The following CFAP46 variants were observed in gnomAD, a reference collection of about 807,000 sequenced individuals.
CFAP46 encodes the protein cilia- and flagella-associated protein 46.
CFAP46 carries 245 observed loss-of-function variants against 325.7 expected under a neutral mutation model. The ratio of observed to expected loss-of-function variants is 0.75; its 90% confidence interval spans 0.68 to 0.84. The LOEUF (loss-of-function observed/expected upper bound fraction) is 0.84. Among genes scored for constraint, CFAP46 ranks in the 40% least tolerant of loss-of-function variants. The pLI is 0.00. For missense variants in CFAP46, 3,346 were observed against 3,543.0 expected, an observed-to-expected ratio of 0.94 and a Z score of 1.41; for synonymous variants, 1,523 against 1,495.9, an observed-to-expected ratio of 1.02 and a Z score of -0.42.
At chr10:132,897,489 A>C (rs1849334872) in intron 24 of CFAP46, among the ~76,000 whole-genome samples, 2 of 152,206 alleles carry the variant, frequency 1.3e-5, no homozygotes, top group Admixed American at 1.3e-4. Flanking sequence ...TAGGAACCGC[A>C]TATCTAGGTC....
chr10:132,816,394 C>G (rs1198215657), intron 50 of CFAP46, among the ~76,000 whole-genome samples: 1 of 147,384 alleles, frequency 6.8e-6, no homozygotes, highest in Non-Finnish European at 1.5e-5. Flanking sequence ...TGCAGTGGCG[C>G]GATCTCGGCT....
chr10:132,864,486 TG>T (rs35681332), intron 35 of CFAP46, among the ~76,000 whole-genome samples: 21,066 of 93,036 alleles, frequency 0.23, 5,027 homozygotes, highest in Admixed American at 0.38. Flanking sequence ...TGCACACATC[TG>T]TCCCCATGCC....
chr10:132,919,141 C>T lies in CFAP46; in HGVS notation c.1858+174G>A, dbSNP rs576141950. On this transcript the variant is annotated intron_variant, in intron 15 of 57. Coordinates refer to ENST00000368586, the MANE Select transcript of CFAP46 (RefSeq NM_001200049.3). This position sits in a 1 kb window ranked among gnomAD's most constrained non-coding sequence, Gnocchi z 9.7. ...GGCCGACACAGCCAGATGTGGCCGC[C>T]GCCCCATGATTGGCGGTCCTGATAA... 3.3e-5 allele frequency among the ~76,000 whole-genome samples: 5 copies of T among 152,318 alleles called. No individual in the cohort carries two copies. In the South Asian group the frequency reaches 8.3e-4, roughly 25 times the overall value.
chr10:132,915,597 G>T (rs2135568659), intron 17 of CFAP46, among the ~76,000 whole-genome samples: 1 of 152,012 alleles, frequency 6.6e-6, no homozygotes, highest in East Asian at 2.0e-4. Flanking sequence ...TGAGGGCGGG[G>T]CGCCGTGCCC....
chr10:132,822,200 CTG>C (rs61728261), intron 50 of CFAP46, among the ~76,000 whole-genome samples: 5 of 118,522 alleles, frequency 4.2e-5, no homozygotes, highest in South Asian at 6.3e-4. Context: ...GCACTGTGTG[CTG>C]TGTGTGTGCT....
chr10:132,872,949 C>T, intron 31 of CFAP46, 125 bp from the exon 32 acceptor site: 1 of 1,082,862 alleles, frequency 9.2e-7, no homozygotes, highest in Non-Finnish European at 1.3e-6. Context: ...AGCAGGTGCT[C>T]AGCGCGTGTC....
intron 35 of CFAP46, among the ~76,000 whole-genome samples, chr10:132,864,484 T>C (rs1420887995): frequency 6.6e-3 from 208 of 31,500 alleles, no homozygotes; most frequent in Middle Eastern, 0.026. Flanking sequence ...CCTGCACACA[T>C]CTGTCCCCAT....
intron 50 of CFAP46, among the ~76,000 whole-genome samples, chr10:132,823,485 C>CTGTG (rs201868325): frequency 9.2e-6 from 1 of 108,786 alleles, no homozygotes; most frequent in Non-Finnish European, 1.8e-5. Context: ...CTGATGTGTG[C>CTGTG]TGTGTGCTGA....
chr10:132,927,393 C>T (rs902412415), intron 9 of CFAP46, among the ~76,000 whole-genome samples: 1 of 151,480 alleles, frequency 6.6e-6, no homozygotes, highest in East Asian at 1.9e-4. Context: ...AGGTCCTCGG[C>T]GGCAGACGCC....
chr10:132,930,063 C>T (rs1245685316), intron 8 of CFAP46, among the ~76,000 whole-genome samples: 1 of 152,134 alleles, frequency 6.6e-6, no homozygotes, highest in Non-Finnish European at 1.5e-5. Context: ...TACTGGACAC[C>T]CTGCTCCTCG....
chr10:132,859,642 G>A (rs1848696550), intron 37 of CFAP46, among the ~76,000 whole-genome samples: 1 of 152,214 alleles, frequency 6.6e-6, no homozygotes, highest in Non-Finnish European at 1.5e-5. Context: ...GAGGCAGAGA[G>A]CACAGGCATG....
At chr10:132,912,234 CTGTCCTCTT>C (rs879575375) in intron 19 of CFAP46, among the ~76,000 whole-genome samples, 4,911 of 89,670 alleles carry the variant, frequency 0.055, 312 homozygotes, top group South Asian at 0.092. Flanking sequence ...CTCCTCTCTC[CTGTCCTCTT>C]TCCTCTCTCT....
chr10:132,873,529 G>A (rs112710264), intron 31 of CFAP46, among the ~76,000 whole-genome samples: 2,565 of 150,612 alleles, frequency 0.017, 44 homozygotes, highest in Non-Finnish European at 0.029. Context: ...TGAGGCAGCT[G>A]AGGGCCCCAT....
intron 3 of CFAP46, among the ~76,000 whole-genome samples, chr10:132,941,361 CAG>C (rs1056767072): frequency 2.0e-5 from 3 of 152,364 alleles, no homozygotes; most frequent in African/African-American, 7.2e-5. Context: ...GCAGATGCCA[CAG>C]AGACCACGCT....
chr10:132,824,273 CTG>C (rs200717851), intron 50 of CFAP46, among the ~76,000 whole-genome samples: 1 of 123,708 alleles, frequency 8.1e-6, no homozygotes, highest in East Asian at 2.6e-4. Flanking sequence ...CTGATGTGTG[CTG>C]TGTGTGCTGA....
At chr10:132,887,508 CCTCT>C (rs201316716) in intron 25 of CFAP46, among the ~76,000 whole-genome samples, 2 of 114,330 alleles carry the variant, frequency 1.7e-5, no homozygotes, top group African/African-American at 6.6e-5. Flanking sequence ...TATTTCCTCT[CCTCT>C]CTCTCTCCTC....
chr10:132,818,453 G>C (rs924099930), intron 50 of CFAP46, among the ~76,000 whole-genome samples: 1 of 152,134 alleles, frequency 6.6e-6, no homozygotes, highest in Non-Finnish European at 1.5e-5. Flanking sequence ...ACAGCTAACA[G>C]TGAAAAGCAC....
Position 132,850,677 on chromosome 10 carries a change from T to C in CFAP46, c.5764-245A>G, listed in dbSNP as rs116001344. 2.4e-3 allele frequency among the ~76,000 whole-genome samples: 361 copies of C among 152,346 alleles called. 2 individuals carry two copies. Among genetic ancestry groups the C allele is most frequent in the African/African-American group, 8.3e-3 (345 of 41,584 alleles). ...TTTAGGCCCGTCTTTGGTCCATTTA[T>C]ACTTATGTAAATTAATTTGAGTCAT... On this transcript the variant is annotated intron_variant, in intron 40 of 57. Transcript: ENST00000368586.
At position 132,911,870 on chromosome 10, in the gene CFAP46, G is replaced by A. The variant is rs117683931; in HGVS notation, c.2499+785C>T. Among the ~76,000 whole-genome samples, 219 of 152,110 alleles carry A rather than the reference G, an allele frequency of 1.4e-3. 2 individuals are homozygous for A. In the East Asian group the frequency reaches 0.031, roughly 21 times the overall value. Reference sequence around the variant, plus strand: ...CCACTCTCCTCTAGGCCTGGAGCCCGCCCTGAGGGGAGGCCTCACACCCAC... The same window carrying A: ...CCACTCTCCTCTAGGCCTGGAGCCCACCCTGAGGGGAGGCCTCACACCCAC... On this transcript the variant is annotated intron_variant, in intron 19 of 57. Coordinates refer to ENST00000368586, the MANE Select transcript of CFAP46 (RefSeq NM_001200049.3).
Sources: allele counts gnomAD v4.1 joint callset (sites outside exome capture counted in the v4.1 genomes callset), GRCh38; gene constraint gnomAD v4.1.1; non-coding constraint Gnocchi (gnomAD v3.1); transcripts MANE v1.5; gene names NCBI Gene and HGNC (gene_info 2026-07-23, HGNC 2026-07-21).